The following ACO2 variants were observed in gnomAD, a reference collection of about 807,000 sequenced individuals.
ACO2 encodes aconitate hydratase, mitochondrial.
A neutral mutation model predicts 84.5 loss-of-function variants in ACO2; 31 were observed. That is an observed-to-expected ratio of 0.37 (90% CI 0.28 to 0.50). ACO2 has a LOEUF of 0.50. Among genes scored for constraint, ACO2 ranks in the 20% least tolerant of loss-of-function variants. The pLI is 0.97. For synonymous variants in ACO2, 414 were observed against 412.7 expected, an observed-to-expected ratio of 1.00 and a Z score of -0.04; for missense variants, 685 against 1,029.3, an observed-to-expected ratio of 0.67 and a Z score of 4.58.
chr22:41,520,340 A>G, intron 9 of ACO2, 64 bp downstream of exon 9: 1 of 1,343,970 alleles, frequency 7.4e-7, no homozygotes, highest in Non-Finnish European at 1.1e-6. Context: ...CCAGGGCTGT[A>G]GACAATCACC....
chr22:41,527,692 C>A (rs898982274), intron 16 of ACO2: 1 of 820,538 alleles, frequency 1.2e-6, no homozygotes. Context: ...GAATGTGCAG[C>A]AGGAAGGCCT....
chr22:41,469,341 G>A, intron 1 of ACO2, 159 bp downstream of exon 1: 1 of 834,090 alleles, frequency 1.2e-6, no homozygotes, highest in Non-Finnish European at 1.8e-6. Flanking sequence ...CTTCTCTGGT[G>A]CCCTAGGTCA....
At chr22:41,528,195 T>C (rs1601939320) in intron 17 of ACO2, 173 bp downstream of exon 17, 6 of 1,080,092 alleles carry the variant, frequency 5.6e-6, no homozygotes, top group Non-Finnish European at 5.2e-6. Context: ...GAGTTGGGGG[T>C]TGGAGTCAAC....
At chr22:41,508,076 G>A in intron 3 of ACO2, 27 bp downstream of exon 3, 2 of 1,594,100 alleles carry the variant, frequency 1.3e-6, no homozygotes, top group Non-Finnish European at 1.7e-6. Context: ...TTTGGGGGTG[G>A]GCAAGTGGGC....
At chr22:41,508,167 T>C (rs1436591847) in intron 3 of ACO2, 118 bp downstream of exon 3, 5 of 1,333,358 alleles carry the variant, frequency 3.7e-6, no homozygotes, top group Non-Finnish European at 5.1e-6. Context: ...TTTGGATTGG[T>C]CTGCTTTTAA....
rs2066469450 is a variant in ACO2, at chr22:41,515,545, G to A, written c.684+10G>A. The A allele has an allele frequency of 6.2e-7, 1 of 1,604,118 alleles. No homozygotes were observed. Among genetic ancestry groups the A allele is most frequent in the Admixed American group, 1.7e-5 (1 of 58,992 alleles). On this transcript the variant is annotated intron_variant, in intron 5 of 17. Transcript: ENST00000216254. The surrounding 1 kb of genome is among the most constrained non-coding windows in gnomAD (Gnocchi z 5.8). ...GCTGAAGTGCCCCAAGGTGAGGGTGGGGAGGGACTCATTCTGGGCTGGCTG... is the reference window on the plus strand; with the variant it reads ...GCTGAAGTGCCCCAAGGTGAGGGTGAGGAGGGACTCATTCTGGGCTGGCTG...
intron 1 of ACO2, among the ~76,000 whole-genome samples, chr22:41,475,318 A>G (rs80063156): frequency 0.012 from 1,781 of 151,890 alleles, 38 homozygotes; most frequent in African/African-American, 0.041. Context: ...GACTAGAGGC[A>G]TGTGGCACCA....
intron 1 of ACO2, chr22:41,469,450 T>C (rs2037914150): frequency 2.2e-6 from 1 of 453,100 alleles, no homozygotes; most frequent in African/African-American, 2.0e-5. Context: ...GAGGCACCTC[T>C]TTCTTCTTTT....
intron 1 of ACO2, among the ~76,000 whole-genome samples, chr22:41,490,218 T>TG (rs909244072): frequency 6.6e-6 from 1 of 151,676 alleles, no homozygotes; most frequent in African/African-American, 2.4e-5. Context: ...AGCTACTCAG[T>TG]GGGGGGCTAA....
Position 41,523,269 on chromosome 22 carries a change from A to G in ACO2, c.1361A>G (p.Gln454Arg). The G allele has an allele frequency of 6.2e-7, 1 of 1,611,484 alleles. No individual in the cohort carries two copies. Among genetic ancestry groups the G allele is most frequent in the Non-Finnish European group, 8.5e-7 (1 of 1,178,384 alleles). ...LANACGPCIG[Q>R]WDRKDIKKGE... The stretch of plus-strand genomic sequence containing the variant: ...AATGCTTGTGGCCCCTGCATTGGCC[A>G]GTGGGACAGGTAAGAGGCGTATCTT... Residue 454 changes from glutamine (Q) to arginine (R), a missense_variant, in exon 11 of 18, where the codon CAG becomes CGG. Physicochemically the swap from Gln to Arg is conservative, Grantham distance 43. Around this residue, in one of 5 missense-constraint regions of ACO2, gnomAD observed 311 missense variants for 441.6 expected, o/e 0.70. Coordinates refer to ENST00000216254, the MANE Select transcript of ACO2 (RefSeq NM_001098.3).
intron 2 of ACO2, among the ~76,000 whole-genome samples, chr22:41,500,780 T>G (rs936079884): frequency 1.3e-5 from 2 of 152,146 alleles, no homozygotes; most frequent in African/African-American, 4.8e-5. Context: ...CTCGGCTCAC[T>G]GCAACCTCCG....
chr22:41,515,271 C>A lies in ACO2; in HGVS notation c.526-106C>A. The A allele has an allele frequency of 7.3e-7, 1 of 1,372,522 alleles. No individual in the cohort carries two copies. The highest frequency in any genetic ancestry group is 1.2e-5 in the South Asian group (1 of 83,800). The allele number at this position is 1,372,522 out of a possible 1,614,324, so 85.0% of individuals were successfully genotyped here. On this transcript the variant is annotated intron_variant, in intron 4 of 17. Coordinates refer to ENST00000216254, the MANE Select transcript of ACO2 (RefSeq NM_001098.3). This position sits in a 1 kb window ranked among gnomAD's most constrained non-coding sequence, Gnocchi z 5.8. ...TGGGGCTGCTCCTACCAGTTCCATC[C>A]TGGGAGAGTGGCTGGACGTGGTTGG...
At position 41,522,963 on chromosome 22, in the gene ACO2, C is replaced by T. The variant is rs368067033; in HGVS notation, c.1272C>T (p.Arg424=). The T allele has an allele frequency of 1.7e-5, 28 of 1,614,088 alleles. No individual in the cohort carries two copies. The highest frequency in any genetic ancestry group is 1.3e-4 in the East Asian group (6 of 44,902). The change falls in exon 10 of 18, where the codon CGC becomes CGT. Residue 424 remains arginine, a synonymous_variant. Transcript: ENST00000216254. ...FTITPGSEQI[R]ATIERDGYAQ... is the part of the protein sequence containing the mutation. ...TCACTCCAGGTTCCGAGCAGATCCG[C>T]GCCACCATTGAGCGGGACGGCTATG...
chr22:41,486,370 T>G (rs1056868251), intron 1 of ACO2, among the ~76,000 whole-genome samples: 1 of 152,024 alleles, frequency 6.6e-6, no homozygotes, highest in Non-Finnish European at 1.5e-5. Context: ...CTTGGCTCAC[T>G]GCAACCTCTG....
chr22:41,493,114 A>T (rs535423996), intron 1 of ACO2, among the ~76,000 whole-genome samples: 1 of 152,264 alleles, frequency 6.6e-6, no homozygotes, highest in South Asian at 2.1e-4. Context: ...TCCCTTTATC[A>T]GGAACCGACT....
At chr22:41,503,358 G>A (rs541111733) in intron 2 of ACO2, among the ~76,000 whole-genome samples, 3 of 151,310 alleles carry the variant, frequency 2.0e-5, no homozygotes, top group Non-Finnish European at 4.4e-5. Flanking sequence ...ACGGAGTCTC[G>A]CTCTGTCGCC....
rs926246283 is a variant in ACO2 at position 41,504,711 on chromosome 22, C to CTTT, written c.174-3052_174-3050dup. On this transcript the variant is annotated intron_variant, in intron 2 of 17. Transcript: ENST00000216254. ...GCCAGCAGATCCAGCACCTTAGGGA[C>CTTT]TTTTTTTTTTTTTTTTTTTTTTTTT... 2.4e-3 allele frequency among the ~76,000 whole-genome samples: 119 copies of CTTT among 48,572 alleles called. 18 individuals carry two copies. The highest frequency in any genetic ancestry group is 5.6e-3 in the East Asian group (7 of 1,240). 31.9% of individuals were successfully genotyped at this position (48,572 alleles called of 152,430 possible).
chr22:41,479,816 C>G (rs917701427), intron 1 of ACO2, among the ~76,000 whole-genome samples: 4 of 152,312 alleles, frequency 2.6e-5, no homozygotes, highest in African/African-American at 4.8e-5. Context: ...CAGAGCAGGG[C>G]TTGGGATTTG....
At chr22:41,488,728 A>T (rs2066251138) in intron 1 of ACO2, among the ~76,000 whole-genome samples, 1 of 152,164 alleles carries the variant, frequency 6.6e-6, no homozygotes, top group Admixed American at 6.5e-5. Flanking sequence ...TTCTTCCTTG[A>T]TACAGATAAA....
Sources: gnomAD v4.1 joint callset for allele counts (sites outside exome capture counted in the v4.1 genomes callset) on GRCh38, gnomAD v4.1.1 for gene constraint, gnomAD v4.1.1 regional missense constraint, Gnocchi (gnomAD v3.1) non-coding constraint, MANE v1.5 for transcripts, NCBI Gene and HGNC (gene_info 2026-07-23, HGNC 2026-07-21) for gene names.